The following TTN variants were observed in gnomAD, a reference collection of about 807,000 sequenced individuals.
TTN encodes the protein connectin.
Under a neutral mutation model 3,223.0 loss-of-function variants are expected in TTN, and 1,525 were observed. That is an observed-to-expected ratio of 0.47 (90% CI 0.45 to 0.49). The LOEUF (loss-of-function observed/expected upper bound fraction) is 0.49. Among genes scored for constraint, TTN ranks in the 20% least tolerant of loss-of-function variants. The pLI, the probability that TTN is intolerant of heterozygous loss-of-function variation, is 0.00. For missense variants in TTN, 40,786 were observed against 43,424.0 expected (o/e 0.94, Z 5.40); for synonymous variants, 14,094 against 15,161.0 (o/e 0.93, Z 5.17).
rs368894429 is a variant in TTN, at chr2:178,535,588, C to T, written c.101027G>A (p.Gly33676Glu). The T allele has an allele frequency of 1.9e-6, 3 of 1,613,742 alleles. No individual in the cohort carries two copies. In the African/African-American group the frequency reaches 4.0e-5, roughly 22 times the overall value. Residue 33676 changes from glycine to glutamate, a missense_variant, in exon 358 of 363, where the codon GGA (glycine) becomes GAA (glutamate). Transcript: ENST00000589042. ...CAGTTCAACTGTCTTCTGATCAATTCCAAATCTGTTTTTAGCACAGACCAC... is the reference window on the plus strand; with the variant it reads ...CAGTTCAACTGTCTTCTGATCAATTTCAAATCTGTTTTTAGCACAGACCAC... ...FYVVCAKNRF[G>E]IDQKTVELDV...
chr2:178,664,183 A>G (rs2065420394), intron 168 of TTN, 85 bp from the exon 169 acceptor site: 1 of 1,343,968 alleles, frequency 7.4e-7, no homozygotes, highest in Admixed American at 2.4e-5. Context: ...CAAAAGAGCT[A>G]TTTTTTTCTC....
rs1449104575 is a variant in TTN, at chr2:178,537,373, T to C, written c.99834A>G (p.Thr33278=). The change falls in exon 355 of 363, where the codon ACA becomes ACG. Residue 33278 remains threonine (T), a synonymous_variant. Transcript: ENST00000589042. Reference sequence around the variant, plus strand: ...TTTCCACATCAAGGATGGCATCAACTGTTCCAAAAACATTGCTGAGCTGGA... The same window carrying C: ...TTTCCACATCAAGGATGGCATCAACCGTTCCAAAAACATTGCTGAGCTGGA... ...YKVQLSNVFG[T]VDAILDVEIQ... is the part of the protein sequence containing the mutation. 1 of 1,590,664 alleles carries C rather than the reference T, an allele frequency of 6.3e-7. No homozygotes were observed. Among genetic ancestry groups the C allele is most frequent in the Non-Finnish European group, 8.6e-7 (1 of 1,166,738 alleles).
intron 199 of TTN, 37 bp downstream of exon 199, chr2:178,653,004 G>A: frequency 6.2e-7 from 1 of 1,608,708 alleles, no homozygotes; most frequent in Non-Finnish European, 8.5e-7. Flanking sequence ...GAAATGAAGA[G>A]TTCAGTCTTC....
chr2:178,689,876 G>T lies in TTN; in HGVS notation c.31783C>A (p.Pro10595Thr). The stretch of plus-strand genomic sequence containing the variant: ...ACGGGAATCTTTTCTTCAGGGACAG[G>T]TTTCTTTGGCACCTCTGGGACTTAA... ...PPKVPEVPKKPVPEEKIPVPV... is the reference protein window; with the variant it reads ...PPKVPEVPKKTVPEEKIPVPV... The change falls in exon 122 of 363, where the codon CCT becomes ACT. Residue 10595 changes from proline (P) to threonine (T), a missense_variant. Transcript: ENST00000589042. 1 of 1,613,322 alleles carries T rather than the reference G, an allele frequency of 6.2e-7. No individual in the cohort carries two copies. Among genetic ancestry groups the T allele is most frequent in the Non-Finnish European group, 8.5e-7 (1 of 1,179,528 alleles).
chr2:178,604,286 T>C lies in TTN; in HGVS notation c.54401A>G (p.Asn18134Ser), dbSNP rs971483896. Residue 18134 changes from asparagine to serine, a missense_variant, in exon 282 of 363, where the codon AAT becomes AGT. Physicochemically the swap from Asn to Ser is conservative, Grantham distance 46. Coordinates refer to ENST00000589042, the MANE Select transcript of TTN (RefSeq NM_001267550.2). Reference protein sequence around the residue: ...KRYGIWKLIPNGQYEFRVRAV... With the variant: ...KRYGIWKLIPSGQYEFRVRAV... Reference sequence around the variant, plus strand: ...CCTGACTCGGAACTCATACTGACCATTGGGGATAAGTTTCCAGATCTAGAA... The same window carrying C: ...CCTGACTCGGAACTCATACTGACCACTGGGGATAAGTTTCCAGATCTAGAA... The C allele has an allele frequency of 2.0e-5, 29 of 1,479,172 alleles. No homozygotes were observed. The highest frequency in any genetic ancestry group is 2.5e-5 in the Non-Finnish European group (28 of 1,112,884). The allele number at this position is 1,479,172 out of a possible 1,614,324, so 91.6% of individuals were successfully genotyped here.
chr2:178,793,596 A>C, intron 8 of TTN, 55 bp from the exon 9 acceptor site: 1 of 1,607,230 alleles, frequency 6.2e-7, no homozygotes, highest in Non-Finnish European at 8.5e-7. Context: ...CATAAAAATT[A>C]GTTCAAGACC....
intron 47 of TTN, chr2:178,750,508 C>A: frequency 6.2e-7 from 1 of 1,612,734 alleles, no homozygotes. Context: ...GAAAATGACA[C>A]ACAAAATTAC....
chr2:178,770,840 G>T, intron 34 of TTN, 165 bp from the exon 35 acceptor site: 1 of 955,734 alleles, frequency 1.0e-6, no homozygotes, highest in Non-Finnish European at 1.7e-6. Flanking sequence ...TTATTTAGGG[G>T]AACCTGGGAT....
intron 311 of TTN, 115 bp from the exon 312 acceptor site, chr2:178,584,021 C>A (rs1157966770): frequency 1.6e-6 from 2 of 1,226,166 alleles, no homozygotes; most frequent in Non-Finnish European, 2.2e-6. Context: ...AGACAATTAT[C>A]CCATTTTAAT....
rs2154151040 is a variant in TTN, at chr2:178,552,147, A to G, written c.90753T>C (p.Asp30251=). The change falls in exon 335 of 363, where the codon GAT becomes GAC. Residue 30251 remains aspartate (D), a synonymous_variant. Coordinates refer to ENST00000589042, the MANE Select transcript of TTN (RefSeq NM_001267550.2). Reference sequence around the variant, plus strand: ...AACAAGTAATTTCTCCTCCTCCATTATCTTCAGGTACATCCCATGACAGGA... The same window carrying G: ...AACAAGTAATTTCTCCTCCTCCATTGTCTTCAGGTACATCCCATGACAGGA... ...SVILSWDVPE[D]NGGGEITCYS... 2 of 1,613,752 alleles carry G rather than the reference A, an allele frequency of 1.2e-6. No individual in the cohort carries two copies. The highest frequency in any genetic ancestry group is 1.7e-6 in the Non-Finnish European group (2 of 1,179,802).
At position 178,751,253 on chromosome 2, in the gene TTN, T is replaced by C. The variant is rs777211396; in HGVS notation, c.11311+1871A>G. On this transcript the variant is annotated intron_variant, in intron 47 of 362. Transcript: ENST00000589042. ...AGACGTATCTAAAAGAGATAATTTC[T>C]TTTTCTCCATTAATGTTTTTCTAGC... is the stretch of plus-strand genomic sequence containing the variant. 3.1e-6 allele frequency: 5 copies of C among 1,608,148 alleles called. No individual in the cohort carries two copies. In the East Asian group the frequency reaches 6.7e-5, roughly 22 times the overall value.
chr2:178,616,808 A>T lies in TTN; in HGVS notation c.48081T>A (p.Arg16027=), dbSNP rs754088360. The T allele has an allele frequency of 6.2e-7, 1 of 1,612,770 alleles. No homozygotes were observed. Among genetic ancestry groups the T allele is most frequent in the Non-Finnish European group, 8.5e-7 (1 of 1,179,178 alleles). ...YAELVISPSE[R]SDKGIYTLKL... is the part of the protein sequence containing the mutation. ...TCAGTGTATAAATGCCCTTGTCTGAACGTTCACTTGGAGAAATGACAAGTT... is the reference window on the plus strand; with the variant it reads ...TCAGTGTATAAATGCCCTTGTCTGATCGTTCACTTGGAGAAATGACAAGTT... Residue 16027 remains arginine (R), a synonymous_variant, in exon 256 of 363, where the codon CGT becomes CGA. Coordinates refer to ENST00000589042, the MANE Select transcript of TTN (RefSeq NM_001267550.2).
In TTN at chr2:178,659,449, A is replaced by C. The variant is rs1577053527; in HGVS notation, c.37286-194T>G. ...CAGAACCAACGACAAAAACCACATG[A>C]TTATCTCAATAGATGCAGAAAGGGC... On this transcript the variant is annotated intron_variant, in intron 180 of 362. Coordinates refer to ENST00000589042, the MANE Select transcript of TTN (RefSeq NM_001267550.2). 1.4e-5 allele frequency among the ~76,000 whole-genome samples: 2 copies of C among 144,380 alleles called. 1 individual carries two copies. Among genetic ancestry groups the C allele is most frequent in the South Asian group, 4.4e-4 (2 of 4,500 alleles). The allele number at this position is 144,380 out of a possible 152,430, so 94.7% of individuals were successfully genotyped here.
At chr2:178,642,413 G>A (rs1375363229) in intron 218 of TTN, 96 bp from the exon 219 acceptor site, 20 of 1,032,136 alleles carry the variant, frequency 1.9e-5, no homozygotes, top group Non-Finnish European at 2.7e-5. Context: ...TAACTGTAGT[G>A]CATTAAGTAA....
In TTN at chr2:178,571,353, C is replaced by A; in HGVS notation, c.74779G>T (p.Val24927Leu). 6.2e-7 allele frequency: 1 copy of A among 1,613,384 alleles called. No homozygotes were observed. The highest frequency in any genetic ancestry group is 8.5e-7 in the Non-Finnish European group (1 of 1,179,560). Residue 24927 changes from valine (V) to leucine (L), a missense_variant, in exon 326 of 363, where the codon GTA (valine) becomes TTA (leucine). Physicochemically the swap from Val to Leu is conservative, Grantham distance 32 (BLOSUM62 1). Coordinates refer to ENST00000589042, the MANE Select transcript of TTN (RefSeq NM_001267550.2). ...VTLSSRDSME[V>L]QWNEPISDGG... ...TCACTGATTGGCTCATTCCATTGTACTTCCATGCTGTCCCTGGAGGACAGT... is the reference window on the plus strand; with the variant it reads ...TCACTGATTGGCTCATTCCATTGTAATTCCATGCTGTCCCTGGAGGACAGT...
chr2:178,642,709 C>T (rs966816350), intron 218 of TTN, among the ~76,000 whole-genome samples: 4 of 151,938 alleles, frequency 2.6e-5, no homozygotes, highest in African/African-American at 9.7e-5. Context: ...GAAAATGATA[C>T]TGGCAAGTGT....
intron 326 of TTN, chr2:178,559,056 T>C: frequency 3.0e-6 from 1 of 332,070 alleles, no homozygotes; most frequent in Non-Finnish European, 5.4e-6. Context: ...TACCTACATA[T>C]ATATACAGTT....
chr2:178,587,084 G>A, intron 307 of TTN, 34 bp downstream of exon 307: 2 of 1,609,878 alleles, frequency 1.2e-6, no homozygotes, highest in Non-Finnish European at 1.7e-6. Flanking sequence ...ATAGGAGACT[G>A]GGGTTAAAAG....
rs886044207 is a variant in TTN, at chr2:178,671,111, G to A, written c.35287C>T (p.Arg11763Ter). 1 of 1,605,724 alleles carries A rather than the reference G, an allele frequency of 6.2e-7. No individual in the cohort carries two copies. Among genetic ancestry groups the A allele is most frequent in the Non-Finnish European group, 8.5e-7 (1 of 1,176,406 alleles). Reference sequence around the variant, plus strand: ...ATACCTTTAGCTGGTGGCTCTTTTCGAGGAACAACTTTAGTGGGCGGTTTT... The same window carrying A: ...ATACCTTTAGCTGGTGGCTCTTTTCAAGGAACAACTTTAGTGGGCGGTTTT... ...PKKPPTKVVP[R>*]KEPPAKVPEV... is the part of the protein sequence containing the mutation. The change falls in exon 156 of 363, where the codon CGA (arginine) becomes TGA (stop). Residue 11763 changes from arginine (R) to a stop codon, truncating the protein, a stop_gained. Coordinates refer to ENST00000589042, the MANE Select transcript of TTN (RefSeq NM_001267550.2). LOFTEE classifies it high-confidence loss of function.
Sources: gnomAD v4.1 joint callset for allele counts (sites outside exome capture counted in the v4.1 genomes callset) on GRCh38, gnomAD v4.1.1 for gene constraint, MANE v1.5 for transcripts, NCBI Gene and HGNC (gene_info 2026-07-23, HGNC 2026-07-21) for gene names.